NELL1: variants seen among roughly 807,000 people sequenced by gnomAD.
NELL1 encodes the protein neural EGFL like 1.
NELL1 carries 76 observed loss-of-function variants against 107.4 expected under a neutral mutation model. The observed-to-expected ratio is 0.71, with a 90% CI of 0.59 to 0.86. The LOEUF is 0.86. Ranked by LOEUF, NELL1 falls within the 40% of genes least tolerant of loss-of-function variation. The pLI is 0.00. For synonymous variants in NELL1, 353 were observed against 341.2 expected (o/e 1.03, Z -0.38); for missense variants, 1,024 against 1,005.5 (o/e 1.02, Z -0.25).
At chr11:21,176,734 C>A (rs899472098) in intron 13 of NELL1, among the ~76,000 whole-genome samples, 3 of 151,760 alleles carry the variant, frequency 2.0e-5, no homozygotes, top group African/African-American at 4.9e-5. Flanking sequence ...TGGGTCCTCT[C>A]TTCTCTATGT....
chr11:20,920,802 C>T (rs1242261417), intron 7 of NELL1, among the ~76,000 whole-genome samples: 1 of 152,052 alleles, frequency 6.6e-6, no homozygotes, highest in Non-Finnish European at 1.5e-5. Flanking sequence ...CTAGGAGCCA[C>T]AGAGAGCTCT....
chr11:21,166,067 A>T (rs1856474793), intron 13 of NELL1, among the ~76,000 whole-genome samples: 1 of 151,692 alleles, frequency 6.6e-6, no homozygotes, highest in African/African-American at 2.4e-5. Flanking sequence ...AGATCTTGTT[A>T]TTTGCAACAA....
In NELL1 at chr11:21,336,666, T is replaced by TACACACAC. The variant is rs200642265; in HGVS notation, c.1550-34186_1550-34185insCACACACA. On this transcript the variant is annotated intron_variant, in intron 14 of 19. Transcript: ENST00000357134. ...ATATGTGTGTGTATATATATATATA[T>TACACACAC]ATATATATACACACACACACACACA... 4.1e-3 allele frequency among the ~76,000 whole-genome samples: 216 copies of TACACACAC among 52,638 alleles called. 1 individual carries two copies. In the East Asian group the frequency reaches 0.12, roughly 30 times the overall value. 34.5% of individuals were successfully genotyped at this position (52,638 alleles called of 152,430 possible). A position where few individuals can be genotyped will look rare whatever the true frequency, so the allele number is the denominator to read the frequency against.
At chr11:20,967,189 G>A (rs1243263383) in intron 12 of NELL1, among the ~76,000 whole-genome samples, 2 of 151,964 alleles carry the variant, frequency 1.3e-5, no homozygotes, top group Non-Finnish European at 2.9e-5. Context: ...AGAAGCCCAG[G>A]GCATAGGTAT....
chr11:21,562,634 C>A (rs1218437024), intron 17 of NELL1, among the ~76,000 whole-genome samples: 1 of 151,966 alleles, frequency 6.6e-6, no homozygotes, highest in Non-Finnish European at 1.5e-5. Context: ...ATAAGAAATA[C>A]CTCCAATACT....
chr11:21,375,640 G>A (rs927896894), intron 15 of NELL1, among the ~76,000 whole-genome samples: 3 of 152,106 alleles, frequency 2.0e-5, no homozygotes, highest in African/African-American at 7.2e-5. Context: ...GCTTTACACA[G>A]TAGCTAAACT....
At chr11:21,038,466 G>T (rs1042699491) in intron 12 of NELL1, among the ~76,000 whole-genome samples, 1 of 152,214 alleles carries the variant, frequency 6.6e-6, no homozygotes, top group Non-Finnish European at 1.5e-5. Context: ...GAAGGCCAAG[G>T]GTAACTTCTA....
chr11:21,502,868 T>A (rs894545680), intron 15 of NELL1, among the ~76,000 whole-genome samples: 11 of 152,314 alleles, frequency 7.2e-5, no homozygotes, highest in South Asian at 4.1e-4. Flanking sequence ...TTTTATTTTT[T>A]AAAAAATTTT....
At chr11:20,933,352 C>T (rs140899741) in intron 9 of NELL1, among the ~76,000 whole-genome samples, 23 of 152,258 alleles carry the variant, frequency 1.5e-4, no homozygotes, top group African/African-American at 5.3e-4. Context: ...GAGAAATTGC[C>T]AGGTTTTGAA....
Position 20,940,386 on chromosome 11 carries a change from A to G in NELL1, c.1071+2527A>G, listed in dbSNP as rs117966689. Reference sequence around the variant, plus strand: ...GCAATTCTTCTGCCTTAGCCTCCTGAGTAGCTGGAATTAAGAGCTGCGCCA... The same window carrying G: ...GCAATTCTTCTGCCTTAGCCTCCTGGGTAGCTGGAATTAAGAGCTGCGCCA... On this transcript the variant is annotated intron_variant, in intron 10 of 19. Coordinates refer to ENST00000357134, the MANE Select transcript of NELL1 (RefSeq NM_006157.5). 4.1e-4 allele frequency among the ~76,000 whole-genome samples: 62 copies of G among 152,074 alleles called. No homozygotes were observed. In the East Asian group the frequency reaches 7.0e-3, roughly 17 times the overall value.
chr11:20,983,815 C>T (rs575439090), intron 12 of NELL1, among the ~76,000 whole-genome samples: 85 of 152,248 alleles, frequency 5.6e-4, no homozygotes, highest in Non-Finnish European at 1.0e-3. Context: ...ATTTTGCCCT[C>T]GTGGCCTTGG....
intron 14 of NELL1, among the ~76,000 whole-genome samples, chr11:21,340,605 C>A (rs543054999): frequency 6.8e-6 from 1 of 147,792 alleles, no homozygotes; most frequent in African/African-American, 2.5e-5. Flanking sequence ...GGGCACCTAA[C>A]CCTTTATGAC....
At chr11:20,850,101 A>C (rs1036421559) in intron 4 of NELL1, among the ~76,000 whole-genome samples, 1 of 152,164 alleles carries the variant, frequency 6.6e-6, no homozygotes, top group African/African-American at 2.4e-5. Context: ...GAGGGTAAGA[A>C]GGAGAAAAGG....
intron 12 of NELL1, among the ~76,000 whole-genome samples, chr11:21,086,221 AG>A (rs973431319): frequency 5.9e-5 from 9 of 152,326 alleles, no homozygotes; most frequent in African/African-American, 1.9e-4. Context: ...TCCTAAGGAA[AG>A]GAAAATGGCA....
chr11:20,798,408 A>C (rs1056128120), intron 3 of NELL1, among the ~76,000 whole-genome samples: 1 of 152,202 alleles, frequency 6.6e-6, no homozygotes, highest in Non-Finnish European at 1.5e-5. Flanking sequence ...AAAACAGCTA[A>C]TGTAGCCATT....
At chr11:20,933,881 AT>A (rs572425297) in intron 9 of NELL1, among the ~76,000 whole-genome samples, 171 of 152,260 alleles carry the variant, frequency 1.1e-3, no homozygotes, top group African/African-American at 4.0e-3. Flanking sequence ...TCCTCAGTAC[AT>A]TTTGTTTCTG....
At chr11:21,043,514 A>C (rs1051063697) in intron 12 of NELL1, among the ~76,000 whole-genome samples, 6 of 152,148 alleles carry the variant, frequency 3.9e-5, no homozygotes, top group Non-Finnish European at 8.8e-5. Context: ...TGAAAGGTCC[A>C]TGGGCTATGT....
intron 2 of NELL1, among the ~76,000 whole-genome samples, chr11:20,691,908 G>A (rs372360822): frequency 2.1e-4 from 32 of 152,068 alleles, no homozygotes; most frequent in African/African-American, 6.5e-4. Context: ...TGAATCCATC[G>A]GGTCCTGGAC....
At chr11:20,720,164 C>T (rs534468291) in intron 2 of NELL1, among the ~76,000 whole-genome samples, 2 of 149,178 alleles carry the variant, frequency 1.3e-5, no homozygotes, top group East Asian at 3.9e-4. Flanking sequence ...GACTCTATTT[C>T]CTTTCATTTT....
Sources: gnomAD v4.1 joint callset for allele counts (sites outside exome capture counted in the v4.1 genomes callset) on GRCh38, gnomAD v4.1.1 for gene constraint, MANE v1.5 for transcripts, NCBI Gene and HGNC (gene_info 2026-07-23, HGNC 2026-07-21) for gene names.